Variants in PCBD2 observed in about 807,000 individuals in gnomAD.
The protein encoded by PCBD2 is pterin-4 alpha-carbinolamine dehydratase 2.
A neutral mutation model predicts 16.4 loss-of-function variants in PCBD2; 12 were observed. The observed-to-expected ratio is 0.73, with a 90% CI of 0.47 to 1.19. The LOEUF (loss-of-function observed/expected upper bound fraction) is 1.19. Ranked by LOEUF, PCBD2 falls within the 50% of genes most tolerant of loss-of-function variation. The pLI is 0.00. For missense variants in PCBD2, 138 were observed against 156.8 expected (o/e 0.88, Z 0.64); for synonymous variants, 58 against 61.8 (o/e 0.94, Z 0.29).
intron 2 of PCBD2, among the ~76,000 whole-genome samples, chr5:134,957,808 A>G (rs1449663153): frequency 1.3e-5 from 2 of 152,242 alleles, no homozygotes; most frequent in Admixed American, 6.5e-5. Flanking sequence ...AATTCCATAC[A>G]TGGTCAAATG....
At position 134,942,556 on chromosome 5, in the gene PCBD2, T is replaced by C. The variant is rs533565861; in HGVS notation, c.217-16484T>C. ...AGATCCATAGTCAGCAAGAATCAAG[T>C]TATGTTCAGAAGGTACTACTTGATC... On this transcript the variant is annotated intron_variant, in intron 2 of 3. Coordinates refer to ENST00000254908, the MANE Select transcript of PCBD2 (RefSeq NM_032151.5). Among the ~76,000 whole-genome samples, 6 of 152,196 alleles carry C rather than the reference T, an allele frequency of 3.9e-5. No individual in the cohort carries two copies. In the South Asian group the frequency reaches 1.2e-3, roughly 32 times the overall value.
At chr5:134,913,150 A>T (rs1206329024) in intron 2 of PCBD2, among the ~76,000 whole-genome samples, 2 of 152,198 alleles carry the variant, frequency 1.3e-5, no homozygotes, top group Non-Finnish European at 2.9e-5. Flanking sequence ...TTTATTAAGC[A>T]TTTTCTGTGT....
chr5:134,942,600 G>C (rs1384612157), intron 2 of PCBD2, among the ~76,000 whole-genome samples: 3 of 152,006 alleles, frequency 2.0e-5, no homozygotes, highest in Non-Finnish European at 4.4e-5. Flanking sequence ...GGCTATTCAG[G>C]TATTGCCATT....
intron 2 of PCBD2, among the ~76,000 whole-genome samples, chr5:134,947,206 C>T (rs1226712506): frequency 1.3e-5 from 2 of 151,490 alleles, no homozygotes; most frequent in South Asian, 2.1e-4. Flanking sequence ...GATTATCCTG[C>T]CTCAGCCTCC....
chr5:134,917,503 A>T lies in PCBD2; in HGVS notation c.216+7037A>T, dbSNP rs539516361. Among the ~76,000 whole-genome samples, 5 of 152,240 alleles carry T rather than the reference A, an allele frequency of 3.3e-5. 1 individual carries two copies. The South Asian group carries it at 1.0e-3, about 32-fold the overall frequency. Reference sequence around the variant, plus strand: ...GGAGGAAGGGACCAAGCTTTGTGAGAATCAGCGGTGGTTCTCTGCGGAGGA... The same window carrying T: ...GGAGGAAGGGACCAAGCTTTGTGAGTATCAGCGGTGGTTCTCTGCGGAGGA... On this transcript the variant is annotated intron_variant, in intron 2 of 3. Transcript: ENST00000254908.
chr5:134,925,391 G>A lies in PCBD2; in HGVS notation c.216+14925G>A, dbSNP rs569595523. On this transcript the variant is annotated intron_variant, in intron 2 of 3. Coordinates refer to ENST00000254908, the MANE Select transcript of PCBD2 (RefSeq NM_032151.5). Reference sequence around the variant, plus strand: ...GTTTTGAGTAGTCCTCCTATTTTTCGAATATCTTGTTCATTGTTGAGGTTG... The same window carrying A: ...GTTTTGAGTAGTCCTCCTATTTTTCAAATATCTTGTTCATTGTTGAGGTTG... 4.0e-5 allele frequency: 16 copies of A among 398,322 alleles called. 1 individual carries two copies. In the South Asian group the frequency reaches 1.0e-3, roughly 26 times the overall value. The allele number at this position is 398,322 out of a possible 1,614,324, so 24.7% of individuals were successfully genotyped here. A position where few individuals can be genotyped will look rare whatever the true frequency, so the allele number is the denominator to read the frequency against.
intron 2 of PCBD2, chr5:134,926,723 G>T: frequency 5.0e-6 from 2 of 397,390 alleles, no homozygotes; most frequent in South Asian, 2.6e-4. Context: ...ATAGGTGTAT[G>T]AACATGAGAG....
chr5:134,942,884 T>C (rs1242698131), intron 2 of PCBD2, among the ~76,000 whole-genome samples: 12 of 152,322 alleles, frequency 7.9e-5, no homozygotes, highest in African/African-American at 2.9e-4. Context: ...TCCATCATAT[T>C]GCATTGTTTC....
At chr5:134,937,241 G>A (rs1358980894) in intron 2 of PCBD2, among the ~76,000 whole-genome samples, 3 of 152,018 alleles carry the variant, frequency 2.0e-5, no homozygotes, top group Non-Finnish European at 2.9e-5. Flanking sequence ...GCAAATTTTG[G>A]CTATTATAAT....
Position 134,962,139 on chromosome 5 carries a change from A to G in PCBD2, c.*1458A>G, listed in dbSNP as rs1283272974. Among the ~76,000 whole-genome samples the G allele has an allele frequency of 6.6e-6, 1 of 150,480 alleles. No individual in the cohort carries two copies. ...CGGGGTCTCATTCTGTTGCCCAGGCAGTAGTGTAGTGGTGCGACCATGGCT... is the reference window on the plus strand; with the variant it reads ...CGGGGTCTCATTCTGTTGCCCAGGCGGTAGTGTAGTGGTGCGACCATGGCT... On this transcript the variant is annotated 3_prime_UTR_variant, in exon 4 of 4. Coordinates refer to ENST00000254908, the MANE Select transcript of PCBD2 (RefSeq NM_032151.5).
At chr5:134,908,668 A>C (rs1204816337) in intron 1 of PCBD2, among the ~76,000 whole-genome samples, 1 of 151,558 alleles carries the variant, frequency 6.6e-6, no homozygotes, top group East Asian at 1.9e-4. Flanking sequence ...TGGTCTCAAA[A>C]AAAAAAAAAA....
At chr5:134,906,056 TAG>T (rs1242940921) in intron 1 of PCBD2, among the ~76,000 whole-genome samples, 1 of 150,802 alleles carries the variant, frequency 6.6e-6, no homozygotes, top group African/African-American at 2.4e-5. Flanking sequence ...ATATTTTTAG[TAG>T]AGAGGGGTTT....
chr5:134,911,990 T>C (rs917674840), intron 2 of PCBD2, among the ~76,000 whole-genome samples: 1 of 152,240 alleles, frequency 6.6e-6, no homozygotes, highest in African/African-American at 2.4e-5. Flanking sequence ...TTTATTGGGC[T>C]TGAACATGTG....
chr5:134,930,172 A>G (rs529704667), intron 2 of PCBD2, among the ~76,000 whole-genome samples: 2 of 152,340 alleles, frequency 1.3e-5, no homozygotes, highest in South Asian at 2.1e-4. Context: ...GAACAGGGTC[A>G]TGTAACTGTT....
chr5:134,945,785 G>A (rs1451321244), intron 2 of PCBD2, among the ~76,000 whole-genome samples: 2 of 152,082 alleles, frequency 1.3e-5, no homozygotes, highest in South Asian at 2.1e-4. Flanking sequence ...CATTTTCTGC[G>A]CAAAGCACTG....
At chr5:134,931,995 C>CG (rs1751104324) in intron 2 of PCBD2, among the ~76,000 whole-genome samples, 1 of 152,120 alleles carries the variant, frequency 6.6e-6, no homozygotes, top group Non-Finnish European at 1.5e-5. Flanking sequence ...AGGTGAGCAT[C>CG]TATCTAGAGG....
At chr5:134,945,530 A>T (rs1751282268) in intron 2 of PCBD2, among the ~76,000 whole-genome samples, 1 of 152,212 alleles carries the variant, frequency 6.6e-6, no homozygotes, top group Non-Finnish European at 1.5e-5. Flanking sequence ...TTTATATAGA[A>T]ATGCGGAAAA....
chr5:134,927,924 G>A (rs1751036945), intron 2 of PCBD2: 1 of 396,908 alleles, frequency 2.5e-6, no homozygotes, highest in Non-Finnish European at 4.4e-6. Flanking sequence ...AAATAGTAGG[G>A]GGATGGTGCT....
intron 2 of PCBD2, among the ~76,000 whole-genome samples, chr5:134,919,738 T>C (rs1271468816): frequency 2.0e-5 from 3 of 152,242 alleles, no homozygotes; most frequent in Admixed American, 1.3e-4. Context: ...AGAAAATAAT[T>C]GAAAGGAGAC....
Sources: gnomAD v4.1 joint callset for allele counts (sites outside exome capture counted in the v4.1 genomes callset) on GRCh38, gnomAD v4.1.1 for gene constraint, MANE v1.5 for transcripts, NCBI Gene and HGNC (gene_info 2026-07-23, HGNC 2026-07-21) for gene names.